Variants in STAM2 observed in about 807,000 individuals in gnomAD.
STAM2 encodes the protein signal transducing adaptor molecule 2.
STAM2 carries 51 observed loss-of-function variants against 65.6 expected under a neutral mutation model. That is an observed-to-expected ratio of 0.78 (90% CI 0.62 to 0.98). The LOEUF is 0.98. Ranked by LOEUF, STAM2 falls within the 50% of genes least tolerant of loss-of-function variation. The pLI is 0.00. For synonymous variants in STAM2, 198 were observed against 208.4 expected, an observed-to-expected ratio of 0.95 and a Z score of 0.43; for missense variants, 584 against 617.8, an observed-to-expected ratio of 0.95 and a Z score of 0.58.
intron 11 of STAM2, among the ~76,000 whole-genome samples, chr2:152,129,778 C>CATTA (rs1689025080): frequency 6.6e-6 from 1 of 152,182 alleles, no homozygotes; most frequent in Non-Finnish European, 1.5e-5. Flanking sequence ...ATTCACTGAA[C>CATTA]ATTAACATGC....
At chr2:152,159,288 G>C (rs1003175302) in intron 1 of STAM2, among the ~76,000 whole-genome samples, 2 of 150,254 alleles carry the variant, frequency 1.3e-5, no homozygotes, top group Non-Finnish European at 3.0e-5. Flanking sequence ...CCACACCCTG[G>C]GTGACAGGGT....
At chr2:152,127,538 T>C (rs1301769664) in intron 11 of STAM2, among the ~76,000 whole-genome samples, 3 of 151,512 alleles carry the variant, frequency 2.0e-5, no homozygotes, top group African/African-American at 7.3e-5. Flanking sequence ...TAAAAACACT[T>C]GTTAAAAAAA....
chr2:152,134,865 C>T (rs1030812196), intron 8 of STAM2, among the ~76,000 whole-genome samples: 1 of 152,116 alleles, frequency 6.6e-6, no homozygotes, highest in African/African-American at 2.4e-5. Context: ...CACTCAGATC[C>T]CCCCACCTCC....
intron 1 of STAM2, among the ~76,000 whole-genome samples, chr2:152,170,787 G>C (rs1292521752): frequency 3.9e-5 from 6 of 152,208 alleles, no homozygotes; most frequent in African/African-American, 1.4e-4. Context: ...CCTAAGGTCA[G>C]GAGTTCGAAA....
chr2:152,152,918 T>C (rs115522599), intron 1 of STAM2, among the ~76,000 whole-genome samples: 110 of 152,340 alleles, frequency 7.2e-4, no homozygotes, highest in African/African-American at 2.2e-3. Context: ...AGGGGCTTCA[T>C]TGTATTTATA....
At chr2:152,142,016 T>C (rs917744040) in intron 7 of STAM2, among the ~76,000 whole-genome samples, 4 of 152,250 alleles carry the variant, frequency 2.6e-5, no homozygotes, top group Non-Finnish European at 4.4e-5. Context: ...AGAGTCATTT[T>C]CTGGATGACT....
chr2:152,154,120 T>C (rs1479723844), intron 1 of STAM2, among the ~76,000 whole-genome samples: 1 of 152,082 alleles, frequency 6.6e-6, no homozygotes, highest in Non-Finnish European at 1.5e-5. Context: ...ACCCCAGAAG[T>C]GGGCATGCCT....
At chr2:152,167,512 C>T (rs1009117117) in intron 1 of STAM2, among the ~76,000 whole-genome samples, 1 of 152,178 alleles carries the variant, frequency 6.6e-6, no homozygotes, top group Non-Finnish European at 1.5e-5. Flanking sequence ...AACTAATATC[C>T]TTCTCACCCA....
chr2:152,144,770 C>T, intron 6 of STAM2, 118 bp downstream of exon 6: 1 of 752,262 alleles, frequency 1.3e-6, no homozygotes, highest in Non-Finnish European at 2.3e-6. Context: ...ATCTCTTGAC[C>T]TCATGATCTG....
chr2:152,153,178 G>T (rs1689479121), intron 1 of STAM2, among the ~76,000 whole-genome samples: 1 of 152,060 alleles, frequency 6.6e-6, no homozygotes. Context: ...TTTTCTGCTA[G>T]TATGGAGAGG....
chr2:152,162,746 A>G (rs910264710), intron 1 of STAM2, among the ~76,000 whole-genome samples: 1 of 151,654 alleles, frequency 6.6e-6, no homozygotes, highest in Non-Finnish European at 1.5e-5. Context: ...GGTTCAAGTG[A>G]TTCTCCCGCC....
intron 4 of STAM2, 137 bp from the exon 5 acceptor site, chr2:152,147,445 T>C (rs1174759596): frequency 1.2e-6 from 1 of 806,226 alleles, no homozygotes; most frequent in Non-Finnish European, 1.8e-6. Context: ...ATTTCTAGCC[T>C]AGTTGAGTAA....
At chr2:152,148,384 A>T in intron 2 of STAM2, 84 bp from the exon 3 acceptor site, 1 of 1,104,230 alleles carries the variant, frequency 9.1e-7, no homozygotes, top group Non-Finnish European at 1.3e-6. Context: ...CTATTACCAA[A>T]TAATTTTATA....
At chr2:152,169,722 T>C (rs1367119038) in intron 1 of STAM2, among the ~76,000 whole-genome samples, 1 of 152,208 alleles carries the variant, frequency 6.6e-6, no homozygotes, top group Non-Finnish European at 1.5e-5. Flanking sequence ...TCTTACTTCA[T>C]ATTCATCAGA....
At chr2:152,126,487 C>T in intron 11 of STAM2, 108 bp from the exon 12 acceptor site, 2 of 627,978 alleles carry the variant, frequency 3.2e-6, no homozygotes, top group South Asian at 6.5e-5. Context: ...TATTAAAAGG[C>T]TTTTTTATAT....
intron 11 of STAM2, among the ~76,000 whole-genome samples, chr2:152,128,203 C>T (rs772393505): frequency 2.0e-5 from 3 of 152,070 alleles, no homozygotes; most frequent in African/African-American, 2.4e-5. Context: ...GTCAGGAGAT[C>T]GAGACCATCC....
chr2:152,122,076 A>ATGTGTG (rs997181475), intron 13 of STAM2, among the ~76,000 whole-genome samples: 264 of 103,704 alleles, frequency 2.5e-3, no homozygotes, highest in Middle Eastern at 8.6e-3. Context: ...ATATATATAT[A>ATGTGTG]TGTGTGTGTG....
chr2:152,122,880 A>G (rs968803974), intron 13 of STAM2, among the ~76,000 whole-genome samples: 3 of 152,130 alleles, frequency 2.0e-5, no homozygotes, highest in African/African-American at 2.4e-5. Context: ...AGCCTGGGCA[A>G]CATGGCGAAA....
At chr2:152,140,811 CTTGA>C (rs1218290227) in intron 7 of STAM2, among the ~76,000 whole-genome samples, 1 of 152,158 alleles carries the variant, frequency 6.6e-6, no homozygotes, top group Non-Finnish European at 1.5e-5. Flanking sequence ...AAGAATTCCA[CTTGA>C]TTATTTGAAA....
Sources: gnomAD v4.1 joint callset for allele counts (sites outside exome capture counted in the v4.1 genomes callset) on GRCh38, gnomAD v4.1.1 for gene constraint, MANE v1.5 for transcripts, NCBI Gene and HGNC (gene_info 2026-07-23, HGNC 2026-07-21) for gene names.